Variants in CNTN4 observed in about 807,000 individuals in gnomAD.
The protein encoded by CNTN4 is contactin 4.
In CNTN4, 77 loss-of-function variants were observed where a neutral mutation model predicts 122.5. The ratio of observed to expected loss-of-function variants is 0.63; its 90% confidence interval spans 0.52 to 0.76. The LOEUF is 0.76. Ranked by LOEUF, CNTN4 falls within the 30% of genes least tolerant of loss-of-function variation. CNTN4 has a pLI of 0.00. For missense variants in CNTN4, 1,256 were observed against 1,259.1 expected (o/e 1.00, Z 0.04); for synonymous variants, 512 against 447.0 (o/e 1.15, Z -1.83).
chr3:2,294,977 T>A (rs1344911694), intron 2 of CNTN4, among the ~76,000 whole-genome samples: 1 of 152,092 alleles, frequency 6.6e-6, no homozygotes, highest in Non-Finnish European at 1.5e-5. Flanking sequence ...GGTTTCCAAT[T>A]TCATCCATGT....
At chr3:2,138,923 G>A (rs1411817304) in intron 2 of CNTN4, among the ~76,000 whole-genome samples, 1 of 151,982 alleles carries the variant, frequency 6.6e-6, no homozygotes, top group Non-Finnish European at 1.5e-5. Flanking sequence ...TTCTTTCTCT[G>A]GAGAGCTCTG....
chr3:2,525,060 A>G (rs527870881), intron 3 of CNTN4, among the ~76,000 whole-genome samples: 2 of 152,214 alleles, frequency 1.3e-5, no homozygotes, highest in East Asian at 3.9e-4. Flanking sequence ...CCAAGTTGGA[A>G]TTAGATCTTC....
chr3:2,312,402 C>A (rs574745127), intron 2 of CNTN4, among the ~76,000 whole-genome samples: 1 of 152,192 alleles, frequency 6.6e-6, no homozygotes, highest in African/African-American at 2.4e-5. Flanking sequence ...GCATAAAAGT[C>A]AAGTAAATTG....
intron 2 of CNTN4, among the ~76,000 whole-genome samples, chr3:2,132,987 T>C (rs9876588): frequency 0.017 from 2,579 of 152,222 alleles, 81 homozygotes; most frequent in African/African-American, 0.059. Flanking sequence ...TGGATGGTTT[T>C]ACAGAAAAAC....
intron 12 of CNTN4, among the ~76,000 whole-genome samples, chr3:2,915,752 A>T (rs968222881): frequency 1.2e-4 from 19 of 152,230 alleles, no homozygotes; most frequent in African/African-American, 4.6e-4. Flanking sequence ...TTGCACACCT[A>T]TATTAATTGC....
chr3:2,798,171 A>G (rs2150032793), intron 6 of CNTN4, among the ~76,000 whole-genome samples: 1 of 148,908 alleles, frequency 6.7e-6, no homozygotes, highest in African/African-American at 2.5e-5. Context: ...GTGGTATTTG[A>G]CTTTCTGCTT....
chr3:2,578,774 C>T (rs896243872), intron 4 of CNTN4, among the ~76,000 whole-genome samples: 4 of 152,080 alleles, frequency 2.6e-5, no homozygotes, highest in African/African-American at 9.7e-5. Flanking sequence ...GCTCTACGCT[C>T]TCTCATAACT....
chr3:3,000,794 G>A (rs1695955581), intron 14 of CNTN4, among the ~76,000 whole-genome samples: 1 of 151,574 alleles, frequency 6.6e-6, no homozygotes, highest in East Asian at 1.9e-4. Flanking sequence ...GCCCTAATGT[G>A]CTTCTACTCC....
chr3:2,889,338 C>T (rs965485473), intron 10 of CNTN4, among the ~76,000 whole-genome samples: 1 of 152,206 alleles, frequency 6.6e-6, no homozygotes, highest in African/African-American at 2.4e-5. Context: ...TATCATTCGT[C>T]TGTCTTCAAG....
At chr3:2,368,106 C>G (rs1310139558) in intron 3 of CNTN4, among the ~76,000 whole-genome samples, 2 of 147,114 alleles carry the variant, frequency 1.4e-5, no homozygotes, top group Non-Finnish European at 1.5e-5. Flanking sequence ...GATCTCGGCT[C>G]ACTGCAAGCT....
rs201514263 is a variant in CNTN4, at chr3:2,257,710, C to T, written c.-144-81468C>T. Among the ~76,000 whole-genome samples the T allele has an allele frequency of 2.4e-3, 371 of 152,114 alleles. 1 individual carries two copies. Among genetic ancestry groups the T allele is most frequent in the African/African-American group, 8.4e-3 (347 of 41,500 alleles). ...TTATCATCACTGGTCATTAGAGAAACGCAAATCAAAACCACAATGAGATAC... is the reference window on the plus strand; with the variant it reads ...TTATCATCACTGGTCATTAGAGAAATGCAAATCAAAACCACAATGAGATAC... On this transcript the variant is annotated intron_variant, in intron 2 of 24. Transcript: ENST00000418658.
intron 3 of CNTN4, among the ~76,000 whole-genome samples, chr3:2,406,094 C>T (rs1386202894): frequency 6.6e-6 from 1 of 151,526 alleles, no homozygotes; most frequent in Non-Finnish European, 1.5e-5. Flanking sequence ...AGATGAGATA[C>T]ACTGGCATGC....
At chr3:2,130,505 T>TG (rs2034400468) in intron 2 of CNTN4, among the ~76,000 whole-genome samples, 2 of 152,212 alleles carry the variant, frequency 1.3e-5, no homozygotes, top group Non-Finnish European at 2.9e-5. Context: ...AGCCAGAAGA[T>TG]GCAGTTCTAA....
intron 2 of CNTN4, among the ~76,000 whole-genome samples, chr3:2,212,137 A>ATT (rs113513671): frequency 2.7e-5 from 4 of 150,540 alleles, no homozygotes; most frequent in African/African-American, 9.8e-5. Flanking sequence ...ATACCTGGCT[A>ATT]TTTTTTTTTG....
chr3:2,924,438 G>A (rs1396363161), intron 12 of CNTN4, among the ~76,000 whole-genome samples: 1 of 152,056 alleles, frequency 6.6e-6, no homozygotes, highest in African/African-American at 2.4e-5. Flanking sequence ...ACTGCAATGA[G>A]TCAGGCTTTT....
intron 2 of CNTN4, among the ~76,000 whole-genome samples, chr3:2,287,667 GA>G (rs879407677): frequency 0.029 from 1,552 of 53,322 alleles, 49 homozygotes; most frequent in African/African-American, 0.053. Context: ...AGAAGAAGAA[GA>G]AGAAGAAGAA....
chr3:2,752,359 G>T (rs553438430), intron 6 of CNTN4, among the ~76,000 whole-genome samples: 6 of 152,198 alleles, frequency 3.9e-5, no homozygotes, highest in Non-Finnish European at 8.8e-5. Flanking sequence ...TTGGTTTTTT[G>T]TTGTTTTTTG....
intron 4 of CNTN4, among the ~76,000 whole-genome samples, chr3:2,705,910 AT>A (rs2086699134): frequency 1.6e-5 from 2 of 123,120 alleles, no homozygotes; most frequent in African/African-American, 6.2e-5. Flanking sequence ...TATATTATAT[AT>A]AAAATATATG....
chr3:3,041,119 A>G (rs539149906), intron 20 of CNTN4: 10 of 152,350 alleles, frequency 6.6e-5, no homozygotes, highest in Admixed American at 6.5e-4. Flanking sequence ...ATGTTGTTTT[A>G]AAGATGATGC....
Sources: allele counts gnomAD v4.1 joint callset (sites outside exome capture counted in the v4.1 genomes callset), GRCh38; gene constraint gnomAD v4.1.1; transcripts MANE v1.5; gene names NCBI Gene and HGNC (gene_info 2026-07-23, HGNC 2026-07-21).